CUBN: variants seen among roughly 807,000 people sequenced by gnomAD.
CUBN encodes cubilin.
Under a neutral mutation model 405.3 loss-of-function variants are expected in CUBN, and 282 were observed. The ratio of observed to expected loss-of-function variants is 0.70; its 90% confidence interval spans 0.63 to 0.77. The LOEUF (loss-of-function observed/expected upper bound fraction) is 0.77, where lower values mean the gene tolerates loss of function less well. CUBN is among the 30% of genes least tolerant of loss of function. CUBN has a pLI of 0.00. For missense variants in CUBN, 4,514 were observed against 4,475.2 expected (o/e 1.01, Z -0.25); for synonymous variants, 1,684 against 1,617.0 (o/e 1.04, Z -0.99).
chr10:16,941,674 T>A (rs1341678827), intron 36 of CUBN, among the ~76,000 whole-genome samples: 2 of 146,580 alleles, frequency 1.4e-5, no homozygotes, highest in Non-Finnish European at 2.9e-5. Flanking sequence ...TGAAACCCCC[T>A]CTCTACAAAA....
intron 27 of CUBN, among the ~76,000 whole-genome samples, chr10:17,023,203 G>A (rs1834548511): frequency 6.7e-6 from 1 of 149,898 alleles, no homozygotes; most frequent in Non-Finnish European, 1.5e-5. Flanking sequence ...CTGGGTGGGG[G>A]TGGAGGGGCT....
intron 31 of CUBN, among the ~76,000 whole-genome samples, chr10:16,958,139 C>T (rs1028948264): frequency 4.6e-5 from 7 of 152,070 alleles, no homozygotes; most frequent in Non-Finnish European, 1.0e-4. Context: ...CAGAAAATCA[C>T]CCGAATCACC....
chr10:16,957,940 G>A (rs1271652906), intron 31 of CUBN, among the ~76,000 whole-genome samples: 1 of 151,116 alleles, frequency 6.6e-6, no homozygotes, highest in Admixed American at 6.6e-5. Flanking sequence ...CAAGTCCATG[G>A]ACTCACAAAA....
At chr10:17,014,857 G>T (rs971592573) in intron 28 of CUBN, among the ~76,000 whole-genome samples, 1 of 152,212 alleles carries the variant, frequency 6.6e-6, no homozygotes, top group Non-Finnish European at 1.5e-5. Flanking sequence ...GGGACGTGTG[G>T]TCTGTGGTAT....
chr10:16,838,759 C>G (rs1839253114), intron 62 of CUBN, among the ~76,000 whole-genome samples: 1 of 152,190 alleles, frequency 6.6e-6, no homozygotes, highest in Non-Finnish European at 1.5e-5. Context: ...ATTCTCCTAC[C>G]TCAGCCTCCT....
At chr10:17,037,981 C>G (rs906103383) in intron 27 of CUBN, among the ~76,000 whole-genome samples, 3 of 151,548 alleles carry the variant, frequency 2.0e-5, no homozygotes, top group Non-Finnish European at 4.4e-5. Flanking sequence ...CTTCGTCACC[C>G]AGGCTGGAAT....
At chr10:17,031,355 T>C (rs1227991293) in intron 27 of CUBN, among the ~76,000 whole-genome samples, 2 of 152,250 alleles carry the variant, frequency 1.3e-5, no homozygotes, top group African/African-American at 4.8e-5. Context: ...AGATTTGTTC[T>C]CTATTTGCCA....
intron 59 of CUBN, among the ~76,000 whole-genome samples, chr10:16,856,313 G>A (rs560955851): frequency 3.9e-5 from 6 of 152,020 alleles, no homozygotes; most frequent in East Asian, 3.9e-4. Flanking sequence ...CACACCCTGC[G>A]TCCAAGAACA....
chr10:17,119,758 A>G (rs1415209934), intron 6 of CUBN, among the ~76,000 whole-genome samples: 1 of 152,216 alleles, frequency 6.6e-6, no homozygotes, highest in African/African-American at 2.4e-5. Context: ...GCGAAATGTA[A>G]TTGTGTTAGT....
intron 60 of CUBN, among the ~76,000 whole-genome samples, chr10:16,848,690 C>CT (rs10562297): frequency 0.028 from 1,506 of 53,312 alleles, 400 homozygotes; most frequent in East Asian, 0.14. Flanking sequence ...CTCTCCCAGC[C>CT]TTTTTTTTTT....
intron 28 of CUBN, among the ~76,000 whole-genome samples, chr10:17,009,904 A>G (rs1020296979): frequency 2.0e-5 from 3 of 152,166 alleles, no homozygotes; most frequent in Non-Finnish European, 4.4e-5. Context: ...AAACAGTACA[A>G]TGTGCCCTTT....
intron 22 of CUBN, among the ~76,000 whole-genome samples, chr10:17,058,276 T>C (rs1008172166): frequency 6.6e-6 from 1 of 152,130 alleles, no homozygotes; most frequent in East Asian, 1.9e-4. Flanking sequence ...AACACGAGGA[T>C]CCCTTCTGGA....
intron 31 of CUBN, among the ~76,000 whole-genome samples, chr10:16,956,019 G>A (rs1843052704): frequency 6.6e-6 from 1 of 151,996 alleles, no homozygotes; most frequent in Non-Finnish European, 1.5e-5. Context: ...AAATCTTGGG[G>A]AAAAAAATAG....
intron 28 of CUBN, among the ~76,000 whole-genome samples, chr10:17,004,991 T>C (rs1307589198): frequency 2.6e-5 from 4 of 152,084 alleles, no homozygotes; most frequent in Non-Finnish European, 4.4e-5. Context: ...CCTCACCCAC[T>C]ACTCATTTCC....
chr10:16,857,855 T>C (rs1301064318), intron 59 of CUBN, among the ~76,000 whole-genome samples: 1 of 152,128 alleles, frequency 6.6e-6, no homozygotes, highest in African/African-American at 2.4e-5. Flanking sequence ...ATAGAGAGAC[T>C]GGAAAGGAAG....
chr10:17,092,421 G>A (rs887547460), intron 14 of CUBN, among the ~76,000 whole-genome samples: 2 of 152,136 alleles, frequency 1.3e-5, no homozygotes, highest in African/African-American at 4.8e-5. Context: ...ATAGGGCTGA[G>A]ACCTACTAGA....
chr10:16,999,760 T>C (rs7921270), intron 28 of CUBN, among the ~76,000 whole-genome samples: 7,652 of 152,302 alleles, frequency 0.05, 365 homozygotes, highest in African/African-American at 0.13. Context: ...AGAAATATTA[T>C]TCAAACCTGC....
At chr10:16,861,040 TCTGCCTTATGCC>T (rs1839997381) in intron 59 of CUBN, among the ~76,000 whole-genome samples, 1 of 152,214 alleles carries the variant, frequency 6.6e-6, no homozygotes, top group South Asian at 2.1e-4. Flanking sequence ...CCTATTGTTC[TCTGCCTTATGCC>T]CCAAAGCATT....
At chr10:16,833,112 C>T (rs939437586) in intron 64 of CUBN, among the ~76,000 whole-genome samples, 3 of 152,176 alleles carry the variant, frequency 2.0e-5, no homozygotes, top group African/African-American at 4.8e-5. Flanking sequence ...CAAACGTTGA[C>T]TCTGATCAAT....
Sources: gnomAD v4.1 joint callset for allele counts (sites outside exome capture counted in the v4.1 genomes callset) on GRCh38, gnomAD v4.1.1 for gene constraint, MANE v1.5 for transcripts, NCBI Gene and HGNC (gene_info 2026-07-23, HGNC 2026-07-21) for gene names.